The following GALNTL6 variants were observed in gnomAD, a reference collection of about 807,000 sequenced individuals.
GALNTL6 encodes the protein polypeptide N-acetylgalactosaminyltransferase like 6.
In GALNTL6, 46 loss-of-function variants were observed where a neutral mutation model predicts 73.7. The ratio of observed to expected loss-of-function variants is 0.62; its 90% CI spans 0.49 to 0.80. The LOEUF (loss-of-function observed/expected upper bound fraction) is 0.80, where lower values mean the gene tolerates loss of function less well. Among genes scored for constraint, GALNTL6 ranks in the 30% least tolerant of loss-of-function variants. The probability of loss-of-function intolerance (pLI) is 0.00; values close to 1 mark genes in which losing one functional copy is unlikely to be tolerated. For synonymous variants in GALNTL6, 259 were observed against 263.7 expected (o/e 0.98, Z 0.17); for missense variants, 604 against 755.0 (o/e 0.80, Z 2.34).
intron 2 of GALNTL6, among the ~76,000 whole-genome samples, chr4:171,987,924 A>G (rs1056508162): frequency 4.6e-5 from 7 of 152,322 alleles, no homozygotes; most frequent in African/African-American, 1.2e-4. Context: ...ATTAAAGTCC[A>G]GGCCAGGAAC....
chr4:172,730,321 A>T (rs145427417), intron 5 of GALNTL6, among the ~76,000 whole-genome samples: 4 of 152,168 alleles, frequency 2.6e-5, no homozygotes, highest in African/African-American at 4.8e-5. Flanking sequence ...TCTTTAGAGG[A>T]TAGGTCTTCC....
chr4:172,350,981 A>G (rs754736174), intron 5 of GALNTL6, among the ~76,000 whole-genome samples: 1 of 152,152 alleles, frequency 6.6e-6, no homozygotes, highest in Non-Finnish European at 1.5e-5. Flanking sequence ...CAAAATGAGA[A>G]TGATAGTGAC....
At chr4:172,375,251 C>T (rs1742984046) in intron 5 of GALNTL6, among the ~76,000 whole-genome samples, 2 of 152,180 alleles carry the variant, frequency 1.3e-5, no homozygotes, top group African/African-American at 4.8e-5. Context: ...TATTTGCCTT[C>T]CCTCTTACAG....
chr4:172,968,997 T>C (rs1363351934), intron 10 of GALNTL6, among the ~76,000 whole-genome samples: 1 of 152,084 alleles, frequency 6.6e-6, no homozygotes, highest in Non-Finnish European at 1.5e-5. Flanking sequence ...AAAGTGGCTA[T>C]AAAGAAGATG....
At chr4:171,961,203 T>C (rs900105294) in intron 2 of GALNTL6, among the ~76,000 whole-genome samples, 1 of 152,188 alleles carries the variant, frequency 6.6e-6, no homozygotes, top group African/African-American at 2.4e-5. Context: ...TGGCATACTT[T>C]CTTTTAATAA....
chr4:172,326,979 C>T (rs192701780), intron 4 of GALNTL6, among the ~76,000 whole-genome samples: 1 of 151,848 alleles, frequency 6.6e-6, no homozygotes, highest in East Asian at 1.9e-4. Context: ...GGCCTTTATG[C>T]TATTATTGTG....
At chr4:172,663,981 A>G (rs1314590264) in intron 5 of GALNTL6, among the ~76,000 whole-genome samples, 2 of 151,600 alleles carry the variant, frequency 1.3e-5, no homozygotes, top group Non-Finnish European at 2.9e-5. Context: ...TGCCACCTGA[A>G]CACACATCCA....
intron 8 of GALNTL6, among the ~76,000 whole-genome samples, chr4:172,900,295 CA>C (rs1164288874): frequency 1.3e-5 from 2 of 152,072 alleles, no homozygotes; most frequent in African/African-American, 4.8e-5. Flanking sequence ...TTTTAAAAAT[CA>C]AATAAATTAC....
intron 2 of GALNTL6, among the ~76,000 whole-genome samples, chr4:171,865,179 G>GA (rs1011896950): frequency 3.3e-5 from 5 of 151,860 alleles, no homozygotes; most frequent in Non-Finnish European, 4.4e-5. Context: ...TGGAAACCTA[G>GA]AAAAAATGTT....
intron 2 of GALNTL6, among the ~76,000 whole-genome samples, chr4:172,206,632 G>A (rs979999554): frequency 2.6e-4 from 39 of 152,020 alleles, no homozygotes; most frequent in Non-Finnish European, 5.4e-4. Context: ...TGCCATTGAA[G>A]TGAGACCTGA....
intron 2 of GALNTL6, among the ~76,000 whole-genome samples, chr4:172,038,001 C>A (rs955957564): frequency 6.6e-6 from 1 of 152,040 alleles, no homozygotes; most frequent in Non-Finnish European, 1.5e-5. Context: ...CGCCTGTAAT[C>A]CCAGCTACTT....
At chr4:172,375,525 AC>A (rs1742995583) in intron 5 of GALNTL6, among the ~76,000 whole-genome samples, 1 of 152,186 alleles carries the variant, frequency 6.6e-6, no homozygotes, top group Non-Finnish European at 1.5e-5. Context: ...CCAAGAACCC[AC>A]AACAGTCCCT....
At chr4:172,999,576 G>T (rs541524492) in intron 10 of GALNTL6, among the ~76,000 whole-genome samples, 1 of 152,174 alleles carries the variant, frequency 6.6e-6, no homozygotes, top group Non-Finnish European at 1.5e-5. Flanking sequence ...GTAGATAAGA[G>T]CATATACCCA....
chr4:172,989,423 T>C (rs1475890176), intron 10 of GALNTL6, among the ~76,000 whole-genome samples: 1 of 152,182 alleles, frequency 6.6e-6, no homozygotes, highest in Admixed American at 6.5e-5. Context: ...GAGGTGATTA[T>C]ATTTTGCAAT....
intron 5 of GALNTL6, among the ~76,000 whole-genome samples, chr4:172,386,911 G>A: frequency 6.6e-6 from 1 of 152,112 alleles, no homozygotes; most frequent in Non-Finnish European, 1.5e-5. Context: ...GGTACACCTG[G>A]AGAAGCCCAA....
At chr4:171,833,761 C>T (rs1458400400) in intron 2 of GALNTL6, among the ~76,000 whole-genome samples, 1 of 151,648 alleles carries the variant, frequency 6.6e-6, no homozygotes, top group Non-Finnish European at 1.5e-5. Flanking sequence ...ACTTTTGGTC[C>T]AGCCTGTTAA....
At chr4:172,565,777 CCTT>C (rs1477372704) in intron 5 of GALNTL6, among the ~76,000 whole-genome samples, 1 of 152,040 alleles carries the variant, frequency 6.6e-6, no homozygotes, top group Non-Finnish European at 1.5e-5. Context: ...GATGCAATGT[CCTT>C]CTTCATTATT....
chr4:172,712,084 G>A (rs1734740996), intron 5 of GALNTL6, among the ~76,000 whole-genome samples: 1 of 152,154 alleles, frequency 6.6e-6, no homozygotes. Flanking sequence ...GTAGATTTCT[G>A]TGTAGGCATG....
intron 2 of GALNTL6, among the ~76,000 whole-genome samples, chr4:172,092,907 C>T (rs1455098271): frequency 2.9e-5 from 4 of 136,594 alleles, no homozygotes; most frequent in Non-Finnish European, 6.1e-5. Context: ...CGGAGTCTTG[C>T]TCTGTCACCA....
Sources: gnomAD v4.1 joint callset for allele counts (sites outside exome capture counted in the v4.1 genomes callset) on GRCh38, gnomAD v4.1.1 for gene constraint, MANE v1.5 for transcripts, NCBI Gene and HGNC (gene_info 2026-07-23, HGNC 2026-07-21) for gene names.